ABLIM2: variants seen among roughly 807,000 people sequenced by gnomAD.
ABLIM2 encodes the protein actin-binding LIM protein 2.
In ABLIM2, 53 loss-of-function variants were observed where a neutral mutation model predicts 97.7. The observed-to-expected ratio is 0.54, with a 90% confidence interval of 0.44 to 0.68. The LOEUF (loss-of-function observed/expected upper bound fraction) is 0.68. Ranked by LOEUF, ABLIM2 falls within the 30% of genes least tolerant of loss-of-function variation. ABLIM2 has a pLI of 0.00. For synonymous variants in ABLIM2, 361 were observed against 345.8 expected (o/e 1.04, Z -0.49); for missense variants, 835 against 867.2 (o/e 0.96, Z 0.47).
At chr4:8,134,955 G>A (rs924133644) in intron 1 of ABLIM2, among the ~76,000 whole-genome samples, 1 of 152,210 alleles carries the variant, frequency 6.6e-6, no homozygotes, top group African/African-American at 2.4e-5. Context: ...GAAAGTACTT[G>A]GGAGCCAGTG....
chr4:8,118,038 G>C (rs371543893), intron 1 of ABLIM2, among the ~76,000 whole-genome samples: 144 of 152,342 alleles, frequency 9.5e-4, no homozygotes, highest in African/African-American at 3.1e-3. Flanking sequence ...TTATGATCCA[G>C]GCCAGCCCTG....
intron 1 of ABLIM2, among the ~76,000 whole-genome samples, chr4:8,116,453 C>T (rs538143224): frequency 1.3e-5 from 2 of 152,314 alleles, no homozygotes; most frequent in Non-Finnish European, 2.9e-5. Flanking sequence ...ACAAGATGCC[C>T]AGGAACGGGT....
chr4:8,082,519 C>G lies in ABLIM2; in HGVS notation c.455-1717G>C, dbSNP rs1267015530. 6.6e-6 allele frequency among the ~76,000 whole-genome samples: 1 copy of G among 152,206 alleles called. No homozygotes were observed. The highest frequency in any genetic ancestry group is 1.9e-4 in the East Asian group (1 of 5,196). On this transcript the variant is annotated intron_variant, in intron 4 of 20. Transcript: ENST00000447017. This position sits in a 1 kb window ranked among gnomAD's most constrained non-coding sequence, Gnocchi z 5.6. ...GCGTGGCTTCATTAGTTTCTTTTGGCAGAGACCTGAGTCATATTGTTTTTA... is the reference window on the plus strand; with the variant it reads ...GCGTGGCTTCATTAGTTTCTTTTGGGAGAGACCTGAGTCATATTGTTTTTA...
intron 6 of ABLIM2, among the ~76,000 whole-genome samples, chr4:8,066,266 A>G (rs1457872437): frequency 1.3e-5 from 2 of 148,262 alleles, no homozygotes; most frequent in African/African-American, 2.5e-5. Flanking sequence ...AGATAGCGCC[A>G]GTGCACTCCA....
chr4:8,110,986 G>A (rs531778486), intron 1 of ABLIM2, among the ~76,000 whole-genome samples: 2 of 152,216 alleles, frequency 1.3e-5, no homozygotes, highest in East Asian at 1.9e-4. Flanking sequence ...GGACGGCTAG[G>A]GGGGCAACAG....
At position 8,003,561 on chromosome 4, in the gene ABLIM2, CTTTTTTTTTTT is replaced by C. The variant is rs796877068; in HGVS notation, c.1618+4487_1618+4497del. Among the ~76,000 whole-genome samples the C allele has an allele frequency of 6.5e-3, 779 of 120,196 alleles. 9 individuals are homozygous for C. The highest frequency in any genetic ancestry group is 0.022 in the African/African-American group (737 of 33,086). 78.9% of individuals were successfully genotyped at this position (120,196 alleles called of 152,430 possible). A position where few individuals can be genotyped will look rare whatever the true frequency, so the allele number is the denominator to read the frequency against. ...ACCACTACGCTCTTCTTCCAGTTTT[CTTTTTTTTTTT>C]TTTTTTTTTTGGAGATGGAGTCTCG... is the stretch of plus-strand genomic sequence containing the variant. On this transcript the variant is annotated intron_variant, in intron 16 of 20. Coordinates refer to ENST00000447017, the MANE Select transcript of ABLIM2 (RefSeq NM_001130083.2). The surrounding 1 kb of genome is among the most constrained non-coding windows in gnomAD (Gnocchi z 4.2).
chr4:7,971,354 C>T (rs1479826849), intron 20 of ABLIM2, among the ~76,000 whole-genome samples: 1 of 152,034 alleles, frequency 6.6e-6, no homozygotes, highest in Non-Finnish European at 1.5e-5. Context: ...AGGGCCCGCG[C>T]AGGACAAGCA....
In ABLIM2 at chr4:8,061,256, G is replaced by C. The variant is rs181101059; in HGVS notation, c.676-202C>G. Among the ~76,000 whole-genome samples, 309 of 152,260 alleles carry C rather than the reference G, an allele frequency of 2.0e-3. 1 individual carries two copies. Among genetic ancestry groups the C allele is most frequent in the Middle Eastern group, 0.014 (4 of 294 alleles). ...CCCGGGCTGTCCAAGGCGCCCTGTG[G>C]GGAGGCAGGGGGAGACCTGGCTGCA... On this transcript the variant is annotated intron_variant, in intron 6 of 20. Transcript: ENST00000447017. This position sits in a 1 kb window ranked among gnomAD's most constrained non-coding sequence, Gnocchi z 4.5.
chr4:8,151,840 G>T (rs1267910052), intron 1 of ABLIM2, among the ~76,000 whole-genome samples: 3 of 144,712 alleles, frequency 2.1e-5, no homozygotes, highest in African/African-American at 5.1e-5. Context: ...GCCCTGGGGG[G>T]ATTGCAGGAC....
At chr4:8,145,769 C>T (rs147850622) in intron 1 of ABLIM2, among the ~76,000 whole-genome samples, 519 of 149,696 alleles carry the variant, frequency 3.5e-3, no homozygotes, top group African/African-American at 0.012. Flanking sequence ...CACACACACA[C>T]ACACACACAC....
chr4:8,106,462 G>C (rs778721280), intron 2 of ABLIM2, 32 bp downstream of exon 2: 3 of 1,575,528 alleles, frequency 1.9e-6, no homozygotes, highest in Non-Finnish European at 2.6e-6. Flanking sequence ...CCGTTTCAGG[G>C]GCCACACTGC....
intron 3 of ABLIM2, among the ~76,000 whole-genome samples, 170 bp from the exon 4 acceptor site, chr4:8,088,454 C>T (rs1431591851): frequency 1.3e-5 from 2 of 152,276 alleles, no homozygotes; most frequent in East Asian, 1.9e-4. Context: ...GCTGCGTCCC[C>T]GCAATAGGAC....
intron 1 of ABLIM2, among the ~76,000 whole-genome samples, chr4:8,143,147 C>T (rs1383076241): frequency 7.4e-5 from 3 of 40,450 alleles, no homozygotes; most frequent in African/African-American, 2.1e-4. Context: ...ATACTGGGAG[C>T]GGGGGCGAGA....
At chr4:8,153,267 A>G (rs1260455795) in intron 1 of ABLIM2, among the ~76,000 whole-genome samples, 1 of 152,178 alleles carries the variant, frequency 6.6e-6, no homozygotes, top group Non-Finnish European at 1.5e-5. Context: ...TTTTTCTGGG[A>G]CAGTAAGATT....
At chr4:8,007,939 G>C in intron 16 of ABLIM2, 120 bp downstream of exon 16, 5 of 1,496,116 alleles carry the variant, frequency 3.3e-6, no homozygotes, top group Admixed American at 4.4e-5. Flanking sequence ...TGTGGGCTTT[G>C]CTTTCATGCT....
At chr4:8,028,199 C>G (rs1198236768) in intron 11 of ABLIM2, among the ~76,000 whole-genome samples, 1 of 152,200 alleles carries the variant, frequency 6.6e-6, no homozygotes, top group Non-Finnish European at 1.5e-5. Flanking sequence ...AGGGAGTGGT[C>G]TGCCACCAGA....
rs1380700566 is a variant in ABLIM2 at position 8,095,977 on chromosome 4, T to C, written c.338+1122A>G. ...CCAAGGTACCTGTGCAGTTCGGCGC[T>C]CTTGCTCTGTGGTGCCCCTGCCCCT... On this transcript the variant is annotated intron_variant, in intron 3 of 20. Coordinates refer to ENST00000447017, the MANE Select transcript of ABLIM2 (RefSeq NM_001130083.2). This position sits in a 1 kb window ranked among gnomAD's most constrained non-coding sequence, Gnocchi z 4.7. Among the ~76,000 whole-genome samples, 2 of 152,200 alleles carry C rather than the reference T, an allele frequency of 1.3e-5. No individual in the cohort carries two copies. The highest frequency in any genetic ancestry group is 6.5e-5 in the Admixed American group (1 of 15,276).
At chr4:8,126,720 C>T (rs566141445) in intron 1 of ABLIM2, among the ~76,000 whole-genome samples, 1 of 152,130 alleles carries the variant, frequency 6.6e-6, no homozygotes, top group African/African-American at 2.4e-5. Flanking sequence ...CGTGGCCTGA[C>T]CCCTTCCTGC....
intron 17 of ABLIM2, among the ~76,000 whole-genome samples, chr4:7,990,705 C>T (rs958981297): frequency 2.0e-5 from 3 of 152,156 alleles, no homozygotes; most frequent in East Asian, 1.9e-4. Flanking sequence ...GGCAGGGGCA[C>T]GCACTCCCAG....
Sources: gnomAD v4.1 joint callset for allele counts (sites outside exome capture counted in the v4.1 genomes callset) on GRCh38, gnomAD v4.1.1 for gene constraint, Gnocchi (gnomAD v3.1) non-coding constraint, MANE v1.5 for transcripts, NCBI Gene and HGNC (gene_info 2026-07-23, HGNC 2026-07-21) for gene names.